Variants in GLCCI1 observed in about 807,000 individuals in gnomAD.
GLCCI1 encodes the protein glucocorticoid induced 1.
A neutral mutation model predicts 52.2 loss-of-function variants in GLCCI1; 24 were observed. The ratio of observed to expected loss-of-function variants is 0.46; its 90% CI spans 0.33 to 0.65. The LOEUF (loss-of-function observed/expected upper bound fraction) is 0.65. Among genes scored for constraint, GLCCI1 ranks in the 30% least tolerant of loss-of-function variants. GLCCI1 has a pLI of 0.02. For synonymous variants in GLCCI1, 310 were observed against 276.5 expected, an observed-to-expected ratio of 1.12 and a Z score of -1.20; for missense variants, 704 against 701.5, an observed-to-expected ratio of 1.00 and a Z score of -0.04.
At chr7:8,043,876 T>C (rs562543773) in intron 3 of GLCCI1, among the ~76,000 whole-genome samples, 1 of 152,046 alleles carries the variant, frequency 6.6e-6, no homozygotes, top group African/African-American at 2.4e-5. Context: ...GGAAGAATAG[T>C]TGTAATAGAT....
intron 2 of GLCCI1, among the ~76,000 whole-genome samples, chr7:8,010,353 G>T (rs1781240221): frequency 6.6e-6 from 1 of 152,182 alleles, no homozygotes; most frequent in African/African-American, 2.4e-5. Context: ...CTAATAAAAT[G>T]ATGGATTTAA....
intron 3 of GLCCI1, among the ~76,000 whole-genome samples, chr7:8,042,779 A>G (rs181448817): frequency 1.2e-3 from 178 of 152,366 alleles, no homozygotes; most frequent in Non-Finnish European, 1.9e-3. Flanking sequence ...AGAAGCTGTG[A>G]ACATTGTTGA....
chr7:8,047,607 T>G (rs530680070), intron 3 of GLCCI1, among the ~76,000 whole-genome samples: 5 of 152,340 alleles, frequency 3.3e-5, no homozygotes, highest in Admixed American at 6.5e-5. Flanking sequence ...TAACATCAAA[T>G]GAGTAAGATT....
At chr7:7,986,713 C>T (rs774033934) in intron 1 of GLCCI1, among the ~76,000 whole-genome samples, 2 of 152,188 alleles carry the variant, frequency 1.3e-5, no homozygotes, top group Non-Finnish European at 2.9e-5. Flanking sequence ...TAAATTTACA[C>T]TCAGAGACTT....
intron 1 of GLCCI1, among the ~76,000 whole-genome samples, chr7:7,995,581 A>T (rs1030380429): frequency 1.3e-5 from 2 of 152,316 alleles, no homozygotes; most frequent in East Asian, 1.9e-4. Flanking sequence ...ATAAAAAAGG[A>T]TGAGTTCATG....
At chr7:7,992,858 A>G (rs992682728) in intron 1 of GLCCI1, among the ~76,000 whole-genome samples, 5 of 152,116 alleles carry the variant, frequency 3.3e-5, no homozygotes, top group East Asian at 3.9e-4. Flanking sequence ...CTTGTAACTT[A>G]GTCTTCATCC....
intron 6 of GLCCI1, among the ~76,000 whole-genome samples, chr7:8,084,439 G>A (rs1242213315): frequency 6.6e-6 from 1 of 151,996 alleles, no homozygotes; most frequent in Non-Finnish European, 1.5e-5. Context: ...ATGATATTTA[G>A]CAAAAATAAC....
chr7:8,075,040 G>T (rs562721198), intron 6 of GLCCI1, among the ~76,000 whole-genome samples: 1 of 152,090 alleles, frequency 6.6e-6, no homozygotes. Flanking sequence ...TTTTATATAC[G>T]TATTCTTTTT....
Position 7,969,833 on chromosome 7 carries a change from C to T in GLCCI1, c.457+26C>T. ...GTAGCGAGCCCAACCCTCCCGTCCT[C>T]CCGGGCTGCGTCTCCCCGACGGTGC... is the stretch of plus-strand genomic sequence containing the variant. On this transcript the variant is annotated intron_variant, in intron 1 of 7. Transcript: ENST00000223145. This position sits in a 1 kb window ranked among gnomAD's most constrained non-coding sequence, Gnocchi z 4.9. 7.1e-7 allele frequency: 1 copy of T among 1,408,208 alleles called. No homozygotes were observed. The highest frequency in any genetic ancestry group is 9.3e-7 in the Non-Finnish European group (1 of 1,077,608). The allele number at this position is 1,408,208 out of a possible 1,614,324, so 87.2% of individuals were successfully genotyped here.
In GLCCI1 at chr7:8,040,525, A is replaced by AACACACACACACAC. The variant is rs58561376; in HGVS notation, c.697-14885_697-14872dup. The stretch of plus-strand genomic sequence containing the variant: ...TTAAAAACCATAGTGAGATATAATT[A>AACACACACACACAC]ACACACACACACACACACACACACA... On this transcript the variant is annotated intron_variant, in intron 3 of 7. Transcript: ENST00000223145. Among the ~76,000 whole-genome samples the AACACACACACACAC allele has an allele frequency of 6.0e-3, 865 of 145,286 alleles. 6 individuals carry two copies. Among genetic ancestry groups the AACACACACACACAC allele is most frequent in the South Asian group, 0.012 (51 of 4,408 alleles).
In GLCCI1 at chr7:7,969,949, G is replaced by T. The variant is rs1043224077; in HGVS notation, c.457+142G>T. The T allele has an allele frequency of 1.0e-5, 11 of 1,086,884 alleles. No homozygotes were observed. The African/African-American group carries it at 1.7e-4, about 17-fold the overall frequency. 67.3% of individuals were successfully genotyped at this position (1,086,884 alleles called of 1,614,324 possible). On this transcript the variant is annotated intron_variant, in intron 1 of 7. Transcript: ENST00000223145. This position sits in a 1 kb window ranked among gnomAD's most constrained non-coding sequence, Gnocchi z 4.9. ...GGCTTTGGGAATCTCACCCCCCTGCGGTCGCTGTGGGGCTTGGAGGAGCGA... is the reference window on the plus strand; with the variant it reads ...GGCTTTGGGAATCTCACCCCCCTGCTGTCGCTGTGGGGCTTGGAGGAGCGA...
chr7:8,010,784 T>C (rs1309158236), intron 2 of GLCCI1, among the ~76,000 whole-genome samples: 1 of 152,094 alleles, frequency 6.6e-6, no homozygotes, highest in South Asian at 2.1e-4. Context: ...TTTTGAGAAA[T>C]TTTCTGTACC....
intron 2 of GLCCI1, among the ~76,000 whole-genome samples, chr7:8,018,285 A>T (rs1781417987): frequency 6.6e-6 from 1 of 151,984 alleles, no homozygotes; most frequent in Non-Finnish European, 1.5e-5. Flanking sequence ...TTGTTGATGG[A>T]TTTTTTTTAA....
At chr7:8,067,840 T>C (rs1782665961) in intron 5 of GLCCI1, among the ~76,000 whole-genome samples, 1 of 152,180 alleles carries the variant, frequency 6.6e-6, no homozygotes, top group Non-Finnish European at 1.5e-5. Context: ...GGAATGGTCC[T>C]CTTGTGTAGT....
intron 1 of GLCCI1, among the ~76,000 whole-genome samples, chr7:7,975,443 A>G (rs890093127): frequency 2.0e-5 from 3 of 152,208 alleles, no homozygotes; most frequent in Non-Finnish European, 4.4e-5. Context: ...TATACCAAGC[A>G]ATGTATACTT....
At chr7:8,043,291 C>T (rs1782043438) in intron 3 of GLCCI1, among the ~76,000 whole-genome samples, 1 of 150,024 alleles carries the variant, frequency 6.7e-6, no homozygotes, top group South Asian at 2.1e-4. Flanking sequence ...ATCAAACCTG[C>T]AATATCTTAA....
At chr7:7,985,887 G>T (rs1780716969) in intron 1 of GLCCI1, among the ~76,000 whole-genome samples, 1 of 152,050 alleles carries the variant, frequency 6.6e-6, no homozygotes, top group African/African-American at 2.4e-5. Context: ...AGATTATGTT[G>T]GTATTTAAAT....
At chr7:8,062,034 A>T (rs6463754) in intron 5 of GLCCI1, among the ~76,000 whole-genome samples, 3 of 151,922 alleles carry the variant, frequency 2.0e-5, no homozygotes, top group Non-Finnish European at 4.4e-5. Context: ...TAAACTTTGG[A>T]TCTAATTTTT....
In GLCCI1 at chr7:8,086,397, T is replaced by C. The variant is rs1783107487; in HGVS notation, c.1503T>C (p.Val501=). The change falls in exon 8 of 8, where the codon GTT becomes GTC. Residue 501 remains valine (V), a synonymous_variant. Transcript: ENST00000223145. This position sits in a 1 kb window ranked among gnomAD's most constrained non-coding sequence, Gnocchi z 4.4. ...CCGTTGAGCAGCTCTCATCCCGGGT[T>C]TCCTTTACGTCTCTTTCTGATGACA... ...TLTVEQLSSR[V]SFTSLSDDTS... is the part of the protein sequence containing the mutation. 6.2e-7 allele frequency: 1 copy of C among 1,614,070 alleles called. No individual in the cohort carries two copies. The highest frequency in any genetic ancestry group is 1.6e-4 in the Middle Eastern group (1 of 6,062).
Sources: allele counts gnomAD v4.1 joint callset (sites outside exome capture counted in the v4.1 genomes callset), GRCh38; gene constraint gnomAD v4.1.1; non-coding constraint Gnocchi (gnomAD v3.1); transcripts MANE v1.5; gene names NCBI Gene and HGNC (gene_info 2026-07-23, HGNC 2026-07-21).